The following CSMD1 variants were observed in gnomAD, a reference collection of about 807,000 sequenced individuals.
The protein encoded by CSMD1 is CUB and sushi domain-containing protein 1.
Under a neutral mutation model 417.5 loss-of-function variants are expected in CSMD1, and 213 were observed. That is an observed-to-expected ratio of 0.51 (90% CI 0.46 to 0.57). CSMD1 has a LOEUF of 0.57. CSMD1 is among the 20% of genes least tolerant of loss of function. CSMD1 has a pLI of 0.00. For missense variants in CSMD1, 6,923 were observed against 4,529.7 expected (o/e 1.53, Z -15.17); for synonymous variants, 2,862 against 1,736.8 (o/e 1.65, Z -16.11).
At chr8:3,367,356 G>C (rs10096279) in intron 19 of CSMD1, 109 bp from the exon 20 acceptor site, 2 of 684,112 alleles carry the variant, frequency 2.9e-6, no homozygotes, top group East Asian at 5.4e-5. Flanking sequence ...AGATGACAGA[G>C]ATGGAGAGGA....
chr8:4,557,617 G>T (rs1203660844), intron 2 of CSMD1, among the ~76,000 whole-genome samples: 3 of 151,772 alleles, frequency 2.0e-5, no homozygotes, highest in Non-Finnish European at 4.4e-5. Flanking sequence ...GGGGGAAGGG[G>T]GACAGCAGTA....
intron 6 of CSMD1, among the ~76,000 whole-genome samples, chr8:3,726,122 G>A (rs1286071607): frequency 2.0e-5 from 3 of 152,042 alleles, no homozygotes; most frequent in Non-Finnish European, 2.9e-5. Flanking sequence ...AGGGACCTGA[G>A]GTCCCTGCCA....
intron 1 of CSMD1, among the ~76,000 whole-genome samples, chr8:4,797,568 T>A (rs1421508939): frequency 1.3e-5 from 2 of 152,062 alleles, no homozygotes; most frequent in African/African-American, 4.8e-5. Context: ...ATAAGTACAA[T>A]ATAAAAGTAC....
At chr8:4,891,971 CA>C (rs1438596976) in intron 1 of CSMD1, among the ~76,000 whole-genome samples, 1 of 151,930 alleles carries the variant, frequency 6.6e-6, no homozygotes, top group African/African-American at 2.4e-5. Flanking sequence ...ACATAAATTC[CA>C]AAAGAGGTAA....
intron 3 of CSMD1, among the ~76,000 whole-genome samples, chr8:4,156,727 G>A (rs55826316): frequency 6.6e-6 from 1 of 151,918 alleles, no homozygotes; most frequent in African/African-American, 2.4e-5. Flanking sequence ...GTTTGCAGTG[G>A]GGCCAGTGAC....
chr8:4,428,415 C>G, intron 2 of CSMD1, among the ~76,000 whole-genome samples: 1 of 152,052 alleles, frequency 6.6e-6, no homozygotes, highest in East Asian at 1.9e-4. Context: ...ATAGGAATAC[C>G]TAAATGATTT....
intron 3 of CSMD1, among the ~76,000 whole-genome samples, chr8:4,240,803 C>T (rs1208917520): frequency 6.6e-6 from 1 of 152,086 alleles, no homozygotes; most frequent in East Asian, 1.9e-4. Context: ...AATATCCATA[C>T]TATCTATTTT....
intron 3 of CSMD1, among the ~76,000 whole-genome samples, chr8:4,235,372 TTTG>T (rs1801985000): frequency 6.8e-6 from 1 of 146,508 alleles, no homozygotes; most frequent in African/African-American, 2.5e-5. Flanking sequence ...TTTTTTTTTG[TTTG>T]TTTGTTTTTT....
At chr8:4,777,856 C>T (rs1242454651) in intron 1 of CSMD1, among the ~76,000 whole-genome samples, 1 of 152,194 alleles carries the variant, frequency 6.6e-6, no homozygotes, top group Non-Finnish European at 1.5e-5. Context: ...GGCAACTATG[C>T]ACTTGACTTC....
chr8:4,561,197 C>A (rs529828763), intron 2 of CSMD1, among the ~76,000 whole-genome samples: 18 of 152,106 alleles, frequency 1.2e-4, no homozygotes, highest in Non-Finnish European at 2.5e-4. Context: ...TGGTGAAACC[C>A]CATCTCTGCT....
chr8:4,882,397 C>A (rs924532311), intron 1 of CSMD1, among the ~76,000 whole-genome samples: 3 of 151,560 alleles, frequency 2.0e-5, no homozygotes, highest in Middle Eastern at 3.2e-3. Context: ...TATTGGGGAG[C>A]GAGTTTGGCA....
intron 2 of CSMD1, among the ~76,000 whole-genome samples, chr8:4,601,166 G>T (rs932193056): frequency 1.3e-5 from 2 of 152,108 alleles, no homozygotes; most frequent in Non-Finnish European, 2.9e-5. Context: ...TGTTGGTCAG[G>T]CTGGTCTCGA....
At position 4,508,173 on chromosome 8, in the gene CSMD1, T is replaced by C. The variant is rs115281396; in HGVS notation, c.303-88108A>G. Among the ~76,000 whole-genome samples the C allele has an allele frequency of 4.5e-4, 68 of 150,512 alleles. 1 individual carries two copies. Among genetic ancestry groups the C allele is most frequent in the Middle Eastern group, 3.4e-3 (1 of 292 alleles). ...GGAAGAGGTAATATTTTTTTTTTTT[T>C]CAATTCTGAGGAGGTGTCATTTTAA... On this transcript the variant is annotated intron_variant, in intron 2 of 69. Coordinates refer to ENST00000635120, the MANE Select transcript of CSMD1 (RefSeq NM_033225.6).
At chr8:3,829,579 G>C (rs1297376528) in intron 5 of CSMD1, among the ~76,000 whole-genome samples, 3 of 152,182 alleles carry the variant, frequency 2.0e-5, no homozygotes, top group East Asian at 1.9e-4. Flanking sequence ...GTAACCTCCA[G>C]TACTTAGAAT....
intron 49 of CSMD1, among the ~76,000 whole-genome samples, chr8:3,084,308 G>A (rs938400559): frequency 2.0e-5 from 3 of 152,086 alleles, no homozygotes; most frequent in Non-Finnish European, 2.9e-5. Flanking sequence ...AGGATCACCT[G>A]AGGTCAGGAG....
At chr8:3,132,054 C>A (rs1267383696) in intron 41 of CSMD1, among the ~76,000 whole-genome samples, 2 of 152,128 alleles carry the variant, frequency 1.3e-5, no homozygotes, top group Non-Finnish European at 2.9e-5. Context: ...AATGCCACCT[C>A]TAGTGTAAGC....
intron 1 of CSMD1, among the ~76,000 whole-genome samples, chr8:4,641,054 A>G (rs897988863): frequency 5.3e-5 from 8 of 151,444 alleles, no homozygotes; most frequent in Admixed American, 1.3e-4. Flanking sequence ...AATTTCATAT[A>G]TATATATATG....
At chr8:4,413,670 T>A (rs1269653882) in intron 3 of CSMD1, among the ~76,000 whole-genome samples, 2 of 152,120 alleles carry the variant, frequency 1.3e-5, no homozygotes, top group Non-Finnish European at 2.9e-5. Flanking sequence ...GTACCGCGGA[T>A]CCCAAGAACT....
intron 5 of CSMD1, among the ~76,000 whole-genome samples, chr8:3,935,273 C>A (rs1469838249): frequency 2.0e-5 from 3 of 152,144 alleles, no homozygotes; most frequent in Non-Finnish European, 2.9e-5. Flanking sequence ...AAAGAATTTT[C>A]ATAGATACTG....
Sources: gnomAD v4.1 joint callset for allele counts (sites outside exome capture counted in the v4.1 genomes callset) on GRCh38, gnomAD v4.1.1 for gene constraint, MANE v1.5 for transcripts, NCBI Gene and HGNC (gene_info 2026-07-23, HGNC 2026-07-21) for gene names.